COPG2: variants seen among roughly 807,000 people sequenced by gnomAD.
The protein encoded by COPG2 is coatomer subunit gamma-2.
In COPG2, 37 loss-of-function variants were observed where a neutral mutation model predicts 46.3. The ratio of observed to expected loss-of-function variants is 0.80; its 90% CI spans 0.61 to 1.05. COPG2 has a LOEUF of 1.05. Ranked by LOEUF, COPG2 falls within the 50% of genes least tolerant of loss-of-function variation. The probability of loss-of-function intolerance (pLI) is 0.00; values close to 1 mark genes in which losing one functional copy is unlikely to be tolerated. For missense variants in COPG2, 427 were observed against 387.8 expected (o/e 1.10, Z -0.85); for synonymous variants, 159 against 129.7 (o/e 1.23, Z -1.53).
In COPG2 at chr7:130,551,120, G is replaced by T. The variant is rs1014049846; in HGVS notation, c.1648+121C>A. ...AACACAGGTTTCTCTAGAAATGGAA[G>T]TGCACTCAAAGACAAAAACCAAGCA... On this transcript the variant is annotated intron_variant, in intron 16 of 23. Transcript: ENST00000425248. The T allele has an allele frequency of 1.7e-4, 67 of 392,966 alleles. No homozygotes were observed. In the East Asian group the frequency reaches 2.3e-3, roughly 14 times the overall value. 24.3% of individuals were successfully genotyped at this position (392,966 alleles called of 1,614,324 possible). A position where few individuals can be genotyped will look rare whatever the true frequency, so the allele number is the denominator to read the frequency against.
Position 130,592,793 on chromosome 7 carries a change from C to T in COPG2, c.737+18160G>A, listed in dbSNP as rs568663123. 6.3e-4 allele frequency among the ~76,000 whole-genome samples: 96 copies of T among 152,294 alleles called. 1 individual carries two copies. The highest frequency in any genetic ancestry group is 2.2e-3 in the African/African-American group (91 of 41,550). On this transcript the variant is annotated intron_variant, in intron 9 of 23. Coordinates refer to ENST00000425248, the MANE Select transcript of COPG2 (RefSeq NM_012133.6). Reference sequence around the variant, plus strand: ...TGATTATACCAGGGAAGGGATACTTCCCCTCAAAATTTATGCTAGGTTGTC... The same window carrying T: ...TGATTATACCAGGGAAGGGATACTTTCCCTCAAAATTTATGCTAGGTTGTC...
chr7:130,524,620 G>A (rs1799756845), intron 20 of COPG2, among the ~76,000 whole-genome samples: 2 of 152,112 alleles, frequency 1.3e-5, no homozygotes, highest in African/African-American at 4.8e-5. Flanking sequence ...CAAGAGGGAG[G>A]GAGCGGATGC....
intron 5 of COPG2, among the ~76,000 whole-genome samples, chr7:130,643,156 G>A (rs1209573179): frequency 3.3e-5 from 5 of 152,086 alleles, no homozygotes; most frequent in East Asian, 3.9e-4. Flanking sequence ...TTAGCCAGGC[G>A]TGGTGGCGGG....
chr7:130,643,291 T>C (rs1430623129), intron 5 of COPG2, among the ~76,000 whole-genome samples: 1 of 149,244 alleles, frequency 6.7e-6, no homozygotes, highest in Non-Finnish European at 1.5e-5. Context: ...CGAGACTGTG[T>C]CTCAAAAAAA....
chr7:130,538,737 C>A (rs1334267269), intron 20 of COPG2, among the ~76,000 whole-genome samples: 3 of 152,022 alleles, frequency 2.0e-5, no homozygotes, highest in African/African-American at 7.3e-5. Flanking sequence ...CAGAAAGATA[C>A]TTGCAAGTGT....
intron 12 of COPG2, 102 bp from the exon 13 acceptor site, chr7:130,555,234 A>T: frequency 2.6e-6 from 1 of 388,292 alleles, no homozygotes; most frequent in East Asian, 3.7e-5. Context: ...TATGGCTACT[A>T]AACATACTTT....
chr7:130,644,640 G>A (rs1795557088), intron 5 of COPG2, among the ~76,000 whole-genome samples: 1 of 152,188 alleles, frequency 6.6e-6, no homozygotes, highest in African/African-American at 2.4e-5. Context: ...GGCCTGTTAA[G>A]TGAATACCTT....
In COPG2 at chr7:130,508,549, TG is replaced by T; in HGVS notation, c.2247+12del. ...AAGGTGTCAAAGAAAGTCTCTATGC[TG>T]GGAAGACTCACCACATACTCATCAT... On this transcript the variant is annotated intron_variant, in intron 21 of 23. Transcript: ENST00000425248. 1.3e-6 allele frequency: 1 copy of T among 769,806 alleles called. No homozygotes were observed. The highest frequency in any genetic ancestry group is 2.4e-6 in the Non-Finnish European group (1 of 413,014). The allele number at this position is 769,806 out of a possible 1,614,324, so 47.7% of individuals were successfully genotyped here.
At chr7:130,512,378 T>C (rs1254696426) in intron 20 of COPG2, among the ~76,000 whole-genome samples, 1 of 151,834 alleles carries the variant, frequency 6.6e-6, no homozygotes, top group Non-Finnish European at 1.5e-5. Context: ...AGGCTTGATT[T>C]ATTAAGAGAG....
intron 9 of COPG2, chr7:130,607,699 G>C: frequency 3.8e-6 from 2 of 519,530 alleles, no homozygotes; most frequent in East Asian, 5.4e-5. Context: ...TCCTTTTATG[G>C]CTCCCTCTTT....
At chr7:130,521,944 G>C (rs927862417) in intron 20 of COPG2, among the ~76,000 whole-genome samples, 2 of 152,166 alleles carry the variant, frequency 1.3e-5, no homozygotes, top group Non-Finnish European at 2.9e-5. Context: ...AAAAGGTGGA[G>C]AGGCACCGTA....
At chr7:130,594,453 C>T (rs1254091554) in intron 9 of COPG2, among the ~76,000 whole-genome samples, 1 of 152,050 alleles carries the variant, frequency 6.6e-6, no homozygotes, top group Non-Finnish European at 1.5e-5. Context: ...TTGAATTAGG[C>T]AATGGTTTCT....
chr7:130,636,936 A>G (rs1795349603), intron 5 of COPG2, among the ~76,000 whole-genome samples: 1 of 152,168 alleles, frequency 6.6e-6, no homozygotes, highest in Non-Finnish European at 1.5e-5. Context: ...ATAATCTCTC[A>G]GGATTTGCTT....
chr7:130,593,524 C>T (rs1794470923), intron 9 of COPG2, among the ~76,000 whole-genome samples: 1 of 152,112 alleles, frequency 6.6e-6, no homozygotes, highest in African/African-American at 2.4e-5. Context: ...TCTACACTAA[C>T]ATAAAGAAAG....
intron 12 of COPG2, among the ~76,000 whole-genome samples, chr7:130,560,224 CAAT>C (rs1457554578): frequency 6.6e-6 from 1 of 151,656 alleles, no homozygotes; most frequent in East Asian, 1.9e-4. Context: ...TAATAGTAAA[CAAT>C]AAAATAAAAA....
At chr7:130,565,419 C>T (rs1229092731) in intron 9 of COPG2, among the ~76,000 whole-genome samples, 1 of 152,120 alleles carries the variant, frequency 6.6e-6, no homozygotes, top group African/African-American at 2.4e-5. Context: ...TCACAAACAA[C>T]AACAAAAACA....
chr7:130,519,545 A>T (rs1002141994), intron 20 of COPG2, among the ~76,000 whole-genome samples: 2 of 152,238 alleles, frequency 1.3e-5, no homozygotes, highest in African/African-American at 4.8e-5. Context: ...GAATGAAGAA[A>T]GAATGCTGGA....
chr7:130,550,014 C>T (rs1793509986), intron 17 of COPG2, among the ~76,000 whole-genome samples: 1 of 152,082 alleles, frequency 6.6e-6, no homozygotes. Flanking sequence ...TTAAAAAAAA[C>T]CCTTCATTTT....
chr7:130,514,006 G>A (rs1171428139), intron 20 of COPG2, among the ~76,000 whole-genome samples: 2 of 152,220 alleles, frequency 1.3e-5, no homozygotes, highest in African/African-American at 4.8e-5. Context: ...AGCGTAGGTG[G>A]AGTGGCATGG....
Sources: allele counts gnomAD v4.1 joint callset (sites outside exome capture counted in the v4.1 genomes callset), GRCh38; gene constraint gnomAD v4.1.1; transcripts MANE v1.5; gene names NCBI Gene and HGNC (gene_info 2026-07-23, HGNC 2026-07-21).